The following PCDHA10 variants were observed in gnomAD, a reference collection of about 807,000 sequenced individuals.
PCDHA10 encodes protocadherin alpha 10.
PCDHA10 carries 45 observed loss-of-function variants against 61.2 expected under a neutral mutation model. The ratio of observed to expected loss-of-function variants is 0.74; its 90% CI spans 0.58 to 0.94. PCDHA10 has a LOEUF of 0.94. Among genes scored for constraint, PCDHA10 ranks in the 40% least tolerant of loss-of-function variants. The probability of loss-of-function intolerance (pLI) is 0.00; values close to 1 mark genes in which losing one functional copy is unlikely to be tolerated. For synonymous variants in PCDHA10, 602 were observed against 548.8 expected (o/e 1.10, Z -1.35); for missense variants, 1,278 against 1,236.2 (o/e 1.03, Z -0.51).
At chr5:140,929,038 C>T in intron 1 of PCDHA10, 2 of 1,614,158 alleles carry the variant, frequency 1.2e-6, no homozygotes, top group South Asian at 1.1e-5. Context: ...CTGTTGCGCT[C>T]AGAGCTGCTG....
chr5:140,956,852 G>A (rs931766503), intron 1 of PCDHA10, among the ~76,000 whole-genome samples: 1 of 152,062 alleles, frequency 6.6e-6, no homozygotes. Flanking sequence ...TGGGTTAAAT[G>A]GTTGAATGAA....
intron 1 of PCDHA10, among the ~76,000 whole-genome samples, chr5:140,962,132 C>A (rs1018234897): frequency 3.3e-5 from 5 of 152,104 alleles, no homozygotes; most frequent in Admixed American, 3.3e-4. Flanking sequence ...GCCTCGGCCT[C>A]CCAAAGTGCT....
rs1276572732 is a variant in PCDHA10, at chr5:140,858,309, A to G, written c.2261A>G (p.Gln754Arg). The G allele has an allele frequency of 7.5e-6, 12 of 1,597,070 alleles. No homozygotes were observed. The highest frequency in any genetic ancestry group is 1.3e-5 in the African/African-American group (1 of 74,318). The change falls in exon 1 of 4, where the codon CAG becomes CGG. Residue 754 changes from glutamine (Q) to arginine (R), a missense_variant. By Grantham distance (43) the Gln-to-Arg change is conservative. Transcript: ENST00000307360. ...GSWSYSQQRR[Q>R]RVCSGEGLPK... ...TGGTCTTACTCGCAGCAGAGGCGGC[A>G]GAGGGTGTGTTCTGGGGAGGGCCTG...
chr5:140,892,901 C>G (rs994625869), intron 1 of PCDHA10, among the ~76,000 whole-genome samples: 1 of 152,196 alleles, frequency 6.6e-6, no homozygotes, highest in African/African-American at 2.4e-5. Flanking sequence ...CTTTCCCCAT[C>G]CTCCTTTTCC....
chr5:140,927,997 C>T (rs139322203), intron 1 of PCDHA10: 298 of 1,614,182 alleles, frequency 1.8e-4, no homozygotes, highest in Admixed American at 5.8e-4. Context: ...GGATGAAGAC[C>T]TCGATTCTAA....
intron 1 of PCDHA10, chr5:140,870,203 T>C (rs782746068): frequency 5.0e-6 from 8 of 1,613,986 alleles, no homozygotes; most frequent in Non-Finnish European, 5.1e-6. Flanking sequence ...CCCAGCACGG[T>C]CATTGCCCTG....
chr5:141,003,017 G>T (rs1398844749), intron 3 of PCDHA10, among the ~76,000 whole-genome samples: 1 of 152,240 alleles, frequency 6.6e-6, no homozygotes, highest in Non-Finnish European at 1.5e-5. Flanking sequence ...GGGAAAGTCA[G>T]TGTAAATCAG....
intron 1 of PCDHA10, among the ~76,000 whole-genome samples, chr5:140,952,671 A>C (rs1429468287): frequency 6.6e-6 from 1 of 152,176 alleles, no homozygotes; most frequent in Admixed American, 6.5e-5. Context: ...AGTCACTTTC[A>C]CATTTTCAGG....
At chr5:140,969,865 C>T (rs982289120) in intron 1 of PCDHA10, among the ~76,000 whole-genome samples, 1 of 152,204 alleles carries the variant, frequency 6.6e-6, no homozygotes. Flanking sequence ...GGTACTTGCA[C>T]TGAACCTATG....
intron 1 of PCDHA10, among the ~76,000 whole-genome samples, chr5:140,953,706 G>A (rs1464812227): frequency 1.3e-5 from 2 of 152,144 alleles, no homozygotes; most frequent in Non-Finnish European, 1.5e-5. Context: ...ACTAGACTGA[G>A]CTTCAGACAT....
At chr5:140,943,050 A>G (rs1450755005) in intron 1 of PCDHA10, among the ~76,000 whole-genome samples, 1 of 152,044 alleles carries the variant, frequency 6.6e-6, no homozygotes, top group African/African-American at 2.4e-5. Flanking sequence ...TGAGGTCAGG[A>G]GTTCAAGAAC....
intron 1 of PCDHA10, among the ~76,000 whole-genome samples, chr5:140,888,197 C>G (rs190439070): frequency 4.6e-5 from 7 of 152,044 alleles, no homozygotes; most frequent in Non-Finnish European, 8.8e-5. Flanking sequence ...TTTACATTGT[C>G]GGATGCTGGA....
chr5:140,951,365 A>G (rs987513388), intron 1 of PCDHA10, among the ~76,000 whole-genome samples: 17 of 152,160 alleles, frequency 1.1e-4, no homozygotes, highest in African/African-American at 4.1e-4. Context: ...ACTGTTATAA[A>G]GAAACACCCA....
chr5:140,856,057 C>T lies in PCDHA10; in HGVS notation c.9C>T (p.Ser3=). 1 of 1,587,068 alleles carries T rather than the reference C, an allele frequency of 6.3e-7. No individual in the cohort carries two copies. Among genetic ancestry groups the T allele is most frequent in the East Asian group, 2.2e-5 (1 of 44,722 alleles). The change falls in exon 1 of 4, where the codon TCC becomes TCT. Residue 3 remains serine (S), a synonymous_variant. Coordinates refer to ENST00000307360, the MANE Select transcript of PCDHA10 (RefSeq NM_018901.4). The stretch of plus-strand genomic sequence containing the variant: ...AACAAGAGAAGGATAAGATGGTTTC[C>T]AGATGTAGCTGCCTGGGGGTCCAGT... MV[S]RCSCLGVQCL...
intron 1 of PCDHA10, among the ~76,000 whole-genome samples, chr5:140,901,260 T>G (rs1554189701): frequency 1.3e-5 from 2 of 152,190 alleles, no homozygotes; most frequent in African/African-American, 2.4e-5. Flanking sequence ...CCTGTGATTG[T>G]GGGGTATTAC....
chr5:140,900,380 C>T (rs554914375), intron 1 of PCDHA10, among the ~76,000 whole-genome samples: 2 of 152,208 alleles, frequency 1.3e-5, no homozygotes, highest in Admixed American at 6.5e-5. Flanking sequence ...TGGGTTCAAG[C>T]GATTCTCCTG....
At chr5:140,944,407 G>A (rs1384591675) in intron 1 of PCDHA10, among the ~76,000 whole-genome samples, 2 of 152,036 alleles carry the variant, frequency 1.3e-5, no homozygotes, top group East Asian at 1.9e-4. Context: ...GGCTGGTCTC[G>A]AACTCCTGAT....
chr5:140,928,672 GC>G (rs1466783332), intron 1 of PCDHA10: 1 of 1,614,058 alleles, frequency 6.2e-7, no homozygotes, highest in East Asian at 2.2e-5. Flanking sequence ...TGGTTCTAAT[GC>G]CTGGCTTTCC....
intron 1 of PCDHA10, among the ~76,000 whole-genome samples, chr5:140,937,865 T>C (rs1056873213): frequency 2.0e-5 from 3 of 149,988 alleles, no homozygotes; most frequent in Non-Finnish European, 2.9e-5. Context: ...TGAGCCGAGA[T>C]CGCGCCACTG....
Sources: allele counts gnomAD v4.1 joint callset (sites outside exome capture counted in the v4.1 genomes callset), GRCh38; gene constraint gnomAD v4.1.1; transcripts MANE v1.5; gene names NCBI Gene and HGNC (gene_info 2026-07-23, HGNC 2026-07-21).